The following COL10A1 variants were observed in gnomAD, a reference collection of about 807,000 sequenced individuals.
COL10A1 encodes collagen type X alpha 1 chain.
A neutral mutation model predicts 18.2 loss-of-function variants in COL10A1; 10 were observed. That is an observed-to-expected ratio of 0.55 (90% CI 0.34 to 0.93). The LOEUF is 0.93. Among genes scored for constraint, COL10A1 ranks in the 40% least tolerant of loss-of-function variants. COL10A1 has a pLI of 0.02. For synonymous variants in COL10A1, 330 were observed against 316.6 expected (o/e 1.04, Z -0.45); for missense variants, 897 against 853.5 (o/e 1.05, Z -0.64).
At position 116,120,977 on chromosome 6, in the gene COL10A1, C is replaced by A. The variant is rs1779101917; in HGVS notation, c.1139G>T (p.Gly380Val). Residue 380 changes from glycine (G) to valine (V), a missense_variant, in exon 3 of 3, where the codon GGT (glycine) becomes GTT (valine). Coordinates refer to ENST00000651968, the MANE Select transcript of COL10A1 (RefSeq NM_000493.4). ...AGYPGAKGER[G>V]SPGSDGKPGY... ...TGGTTTTCCATCTGACCCAGGGGAA[C>A]CCCTTTCACCCTTAGCCCCAGGGTA... is the stretch of plus-strand genomic sequence containing the variant. 6.2e-7 allele frequency: 1 copy of A among 1,613,884 alleles called. No individual in the cohort carries two copies. Among genetic ancestry groups the A allele is most frequent in the African/African-American group, 1.3e-5 (1 of 74,906 alleles).
At chr6:116,132,631 T>C (rs150215278) in intron 1 of COL10A1, among the ~76,000 whole-genome samples, 1 of 152,314 alleles carries the variant, frequency 6.6e-6, no homozygotes, top group East Asian at 1.9e-4. Flanking sequence ...GCACATCCCC[T>C]GGCCTAATGT....
upstream of COL10A1, among the ~76,000 whole-genome samples, chr6:116,130,756 A>G (rs1411717506): frequency 6.6e-6 from 1 of 152,130 alleles, no homozygotes; most frequent in Non-Finnish European, 1.5e-5. Context: ...TTGTATCTGT[A>G]GCTGCTTGGT....
the COL10A1 span, among the ~76,000 whole-genome samples, chr6:116,166,138 G>A: frequency 9.2e-5 from 14 of 152,228 alleles, no homozygotes; most frequent in East Asian, 1.5e-3. Flanking sequence ...CCCTTCAGGC[G>A]GGATTCAGAG....
chr6:116,139,236 G>C (rs1473633129), intron 1 of COL10A1, among the ~76,000 whole-genome samples: 3 of 152,024 alleles, frequency 2.0e-5, no homozygotes, highest in Non-Finnish European at 4.4e-5. Flanking sequence ...ATTTTTTGGG[G>C]GAAAGAAGTC....
At chr6:116,186,301 AT>A in the COL10A1 span, among the ~76,000 whole-genome samples, 4,576 of 141,792 alleles carry the variant, frequency 0.032, 70 homozygotes, top group African/African-American at 0.046. Flanking sequence ...AGCTCTTAAG[AT>A]TTTTTTTTTT....
intron 2 of COL10A1, among the ~76,000 whole-genome samples, chr6:116,123,618 TTTG>T (rs1779203496): frequency 6.6e-6 from 1 of 152,176 alleles, no homozygotes; most frequent in South Asian, 2.1e-4. Context: ...GTAATAACTC[TTTG>T]AATTCCTGTT....
At chr6:116,201,510 G>C in the COL10A1 span, among the ~76,000 whole-genome samples, 1 of 151,982 alleles carries the variant, frequency 6.6e-6, no homozygotes, top group Non-Finnish European at 1.5e-5. Context: ...GGACTGCCTC[G>C]GTAATGCTTT....
At chr6:116,174,569 A>C in the COL10A1 span, among the ~76,000 whole-genome samples, 1 of 152,256 alleles carries the variant, frequency 6.6e-6, no homozygotes, top group Non-Finnish European at 1.5e-5. Context: ...TTGTTTCATG[A>C]TAAAAGTAAT....
upstream of COL10A1, among the ~76,000 whole-genome samples, chr6:116,163,141 A>AAAAAAAAATAT (rs761718922): frequency 9.6e-3 from 849 of 88,204 alleles, 46 homozygotes; most frequent in African/African-American, 0.047. Flanking sequence ...AAAAAAAAAA[A>AAAAAAAAATAT]ATATATATAT....
At chr6:116,190,483 G>T in the COL10A1 span, among the ~76,000 whole-genome samples, 1 of 151,912 alleles carries the variant, frequency 6.6e-6, no homozygotes, top group African/African-American at 2.4e-5. Context: ...AGAAGTTAGC[G>T]GCAGTGGTAT....
chr6:116,189,453 C>A, the COL10A1 span, among the ~76,000 whole-genome samples: 2 of 151,776 alleles, frequency 1.3e-5, no homozygotes, highest in South Asian at 2.1e-4. Flanking sequence ...TCTTTATATA[C>A]CTCCCTCTCA....
Position 116,124,792 on chromosome 6 carries a change from T to G in COL10A1, c.154+547A>C, listed in dbSNP as rs147478942. Among the ~76,000 whole-genome samples the G allele has an allele frequency of 2.6e-3, 399 of 152,350 alleles. 10 individuals carry two copies. The South Asian group carries it at 0.043, about 17-fold the overall frequency. On this transcript the variant is annotated intron_variant, in intron 2 of 2. Coordinates refer to ENST00000651968, the MANE Select transcript of COL10A1 (RefSeq NM_000493.4). ...TATATTCAAAATGTATAAGTAATTA[T>G]GAGAATTGCAGTTTCATTTGCCTGC...
chr6:116,160,248 TC>T (rs1439340565), upstream of COL10A1, among the ~76,000 whole-genome samples: 1 of 152,172 alleles, frequency 6.6e-6, no homozygotes, highest in Non-Finnish European at 1.5e-5. Context: ...TATATACATT[TC>T]CTTTTCTCCA....
At chr6:116,184,936 T>G in the COL10A1 span, among the ~76,000 whole-genome samples, 2 of 152,106 alleles carry the variant, frequency 1.3e-5, no homozygotes, top group African/African-American at 2.4e-5. Context: ...TGGTTTGTTC[T>G]TATTTCTCTA....
At chr6:116,196,505 C>T in the COL10A1 span, among the ~76,000 whole-genome samples, 2 of 151,840 alleles carry the variant, frequency 1.3e-5, no homozygotes, top group African/African-American at 2.4e-5. Flanking sequence ...TTCTCTTTGC[C>T]ATTTGGTTTT....
chr6:116,149,288 A>G (rs1351257315), intron 1 of COL10A1, among the ~76,000 whole-genome samples: 2 of 152,332 alleles, frequency 1.3e-5, no homozygotes, highest in African/African-American at 4.8e-5. Flanking sequence ...TAGCTTAAGT[A>G]TATGTTTTCA....
At chr6:116,159,724 A>G (rs574536168), upstream of COL10A1, among the ~76,000 whole-genome samples, 151 of 152,312 alleles carry the variant, frequency 9.9e-4, no homozygotes, top group Admixed American at 2.2e-3. Context: ...TGAACCCATT[A>G]CCCAAATAGT....
chr6:116,161,121 C>A (rs1434301919), upstream of COL10A1, among the ~76,000 whole-genome samples: 1 of 145,494 alleles, frequency 6.9e-6, no homozygotes, highest in East Asian at 2.1e-4. Flanking sequence ...TGTTCTCACT[C>A]ATAGGTGGGA....
chr6:116,207,444 A>C, the COL10A1 span, among the ~76,000 whole-genome samples: 1 of 151,956 alleles, frequency 6.6e-6, no homozygotes, highest in Non-Finnish European at 1.5e-5. Context: ...GTAAAGACTA[A>C]GTTTATAACC....
Sources: gnomAD v4.1 joint callset for allele counts (sites outside exome capture counted in the v4.1 genomes callset) on GRCh38, gnomAD v4.1.1 for gene constraint, MANE v1.5 for transcripts, NCBI Gene and HGNC (gene_info 2026-07-23, HGNC 2026-07-21) for gene names.